ATG12: variants seen among roughly 807,000 people sequenced by gnomAD.
The protein encoded by ATG12 is autophagy related 12.
In ATG12, 19 loss-of-function variants were observed where a neutral mutation model predicts 17.6. The ratio of observed to expected loss-of-function variants is 1.08; its 90% CI spans 0.75 to 1.58. The LOEUF is 1.58. ATG12 is among the 40% of genes most tolerant of loss of function. The pLI is 0.00. For synonymous variants in ATG12, 75 were observed against 62.4 expected (o/e 1.20, Z -0.95); for missense variants, 214 against 162.0 (o/e 1.32, Z -1.74).
At chr5:115,833,072 T>C (rs1179352008) in intron 2 of ATG12, 2 of 155,666 alleles carry the variant, frequency 1.3e-5, no homozygotes, top group African/African-American at 4.8e-5. Flanking sequence ...AGGTAGTTTG[T>C]ACACTTTCCT....
rs143286818 is a variant in ATG12 at position 115,832,470 on chromosome 5, T to C, written c.363+132A>G. ...CTACCCCAGAAAATTAAGAATGGCA[T>C]GCCATCTCTTGAAATAAAAATGTGA... On this transcript the variant is annotated intron_variant, in intron 3 of 3. Coordinates refer to ENST00000509910, the MANE Select transcript of ATG12 (RefSeq NM_004707.4). The C allele has an allele frequency of 1.0e-4, 109 of 1,072,346 alleles. No individual in the cohort carries two copies. The East Asian group carries it at 2.8e-3, about 27-fold the overall frequency. 66.4% of individuals were successfully genotyped at this position (1,072,346 alleles called of 1,614,324 possible). A position where few individuals can be genotyped will look rare whatever the true frequency, so the allele number is the denominator to read the frequency against.
chr5:115,841,297 G>A lies in ATG12; in HGVS notation c.163+93C>T, dbSNP rs57236644. 989 of 1,526,308 alleles carry A rather than the reference G, an allele frequency of 6.5e-4. 3 individuals carry two copies. The highest frequency in any genetic ancestry group is 6.5e-3 in the African/African-American group (464 of 71,690). The allele number at this position is 1,526,308 out of a possible 1,614,324, so 94.5% of individuals were successfully genotyped here. A position where few individuals can be genotyped will look rare whatever the true frequency, so the allele number is the denominator to read the frequency against. On this transcript the variant is annotated intron_variant, in intron 1 of 3. Coordinates refer to ENST00000509910, the MANE Select transcript of ATG12 (RefSeq NM_004707.4). ...GTCAAAATGCAGGTCTAGGACAGGC[G>A]CTCCTCTAAATTTTGCTTCTTTACT...
chr5:115,831,993 T>C, intron 3 of ATG12, 130 bp from the exon 4 acceptor site: 2 of 810,522 alleles, frequency 2.5e-6, no homozygotes, highest in Non-Finnish European at 3.9e-6. Context: ...ACAGGCTATC[T>C]CTTTCAAAGG....
At position 115,830,671 on chromosome 5, in the gene ATG12, A is replaced by G. The variant is rs1042050490; in HGVS notation, c.*1133T>C. On this transcript the variant is annotated 3_prime_UTR_variant, in exon 4 of 4. Coordinates refer to ENST00000509910, the MANE Select transcript of ATG12 (RefSeq NM_004707.4). ...GATCCTCTTGCCTCTGCAGCCTAAT[A>G]ATTTTTTTTTAATTTTTATTTTTTT... 2.2e-4 allele frequency: 34 copies of G among 151,966 alleles called. No individual in the cohort carries two copies. The highest frequency in any genetic ancestry group is 7.7e-4 in the African/African-American group (32 of 41,440). 9.4% of individuals were successfully genotyped at this position (151,966 alleles called of 1,614,324 possible).
rs1278588338 is a variant in ATG12 at position 115,830,253 on chromosome 5, A to G, written c.*1551T>C. The G allele has an allele frequency of 6.7e-6, 1 of 149,878 alleles. No homozygotes were observed. Among genetic ancestry groups the G allele is most frequent in the African/African-American group, 2.5e-5 (1 of 39,870 alleles). The allele number at this position is 149,878 out of a possible 1,614,324, so 9.3% of individuals were successfully genotyped here. ...TAAACTATTAAGTTATTTAGGTCAA[A>G]AAGAATAACTAAATGGATGCTACAA... On this transcript the variant is annotated 3_prime_UTR_variant, in exon 4 of 4. Transcript: ENST00000509910.
chr5:115,829,204 T>TTA lies in ATG12; in HGVS notation c.*2598_*2599dup, dbSNP rs1488345440. 1 of 152,236 alleles carries TTA rather than the reference T, an allele frequency of 6.6e-6. No individual in the cohort carries two copies. The highest frequency in any genetic ancestry group is 1.5e-5 in the Non-Finnish European group (1 of 68,038). The allele number at this position is 152,236 out of a possible 1,614,324, so 9.4% of individuals were successfully genotyped here. On this transcript the variant is annotated 3_prime_UTR_variant, in exon 4 of 4. Transcript: ENST00000509910. Reference sequence around the variant, plus strand: ...TAGTGCCAAAAGTTTACTCAGCATATTATAATCCTTGGAAAATGAAGCAGA... The same window carrying TTA: ...TAGTGCCAAAAGTTTACTCAGCATATTATATAATCCTTGGAAAATGAAGCAGA...
chr5:115,833,485 A>C (rs1760970485), intron 2 of ATG12: 1 of 152,138 alleles, frequency 6.6e-6, no homozygotes, highest in African/African-American at 2.4e-5. Context: ...TAGTGTGGTG[A>C]TTAAGTGTAT....
At position 115,828,767 on chromosome 5, in the gene ATG12, CTAAG is replaced by C. The variant is rs1382008422; in HGVS notation, c.*3033_*3036del. On this transcript the variant is annotated 3_prime_UTR_variant, in exon 4 of 4. Transcript: ENST00000509910. ...AATTATTTACATATAAGGAAATGTA[CTAAG>C]TATTATGTGTGTGTGGGTACCAGAT... 3 of 152,212 alleles carry C rather than the reference CTAAG, an allele frequency of 2.0e-5. No homozygotes were observed. The highest frequency in any genetic ancestry group is 2.1e-4 in the South Asian group (1 of 4,828). 9.4% of individuals were successfully genotyped at this position (152,212 alleles called of 1,614,324 possible). A position where few individuals can be genotyped will look rare whatever the true frequency, so the allele number is the denominator to read the frequency against.
Position 115,830,543 on chromosome 5 carries a change from GC to G in ATG12, c.*1260del, listed in dbSNP as rs1760827373. On this transcript the variant is annotated 3_prime_UTR_variant, in exon 4 of 4. Coordinates refer to ENST00000509910, the MANE Select transcript of ATG12 (RefSeq NM_004707.4). ...CACATTACATTCGATTTACTAGAATGCCTTTTTTTTTCTTTTTTGAGATGGG... is the reference window on the plus strand; with the variant it reads ...CACATTACATTCGATTTACTAGAATGCTTTTTTTTTCTTTTTTGAGATGGG... The G allele has an allele frequency of 6.6e-6, 1 of 151,952 alleles. No homozygotes were observed. The highest frequency in any genetic ancestry group is 2.4e-5 in the African/African-American group (1 of 41,370). The allele number at this position is 151,952 out of a possible 1,614,324, so 9.4% of individuals were successfully genotyped here.
In ATG12 at chr5:115,837,652, A is replaced by G; in HGVS notation, c.276T>C (p.Leu92=). 6.2e-7 allele frequency: 1 copy of G among 1,611,574 alleles called. No homozygotes were observed. The highest frequency in any genetic ancestry group is 8.5e-7 in the Non-Finnish European group (1 of 1,179,690). The change falls in exon 2 of 4, where the codon CTT becomes CTC. Residue 92 remains leucine, a synonymous_variant. Transcript: ENST00000509910. The part of the protein sequence containing the change: ...QGLIDFIKKF[L]KLVASEQLFI... ...CCAACTGTTCTGAGGCCACAAGTTT[A>G]AGAAACTTTTTGATGAAGTCAATGA...
At chr5:115,837,362 T>C (rs556627788) in intron 2 of ATG12, among the ~76,000 whole-genome samples, 1 of 151,924 alleles carries the variant, frequency 6.6e-6, no homozygotes, top group Non-Finnish European at 1.5e-5. Flanking sequence ...ACTCCTGTAA[T>C]AATCCTGGCT....
chr5:115,830,317 C>G lies in ATG12; in HGVS notation c.*1487G>C, dbSNP rs1760815601. ...TTTTCGATTTTTTGAGGTCTATCAT[C>G]TGAACCCTCAGTGGCAAACAATACG... On this transcript the variant is annotated 3_prime_UTR_variant, in exon 4 of 4. Transcript: ENST00000509910. 6.6e-6 allele frequency: 1 copy of G among 152,010 alleles called. No individual in the cohort carries two copies. Among genetic ancestry groups the G allele is most frequent in the Non-Finnish European group, 1.5e-5 (1 of 67,992 alleles). 9.4% of individuals were successfully genotyped at this position (152,010 alleles called of 1,614,324 possible).
At chr5:115,839,306 C>T (rs1390331420) in intron 1 of ATG12, 3 of 124,274 alleles carry the variant, frequency 2.4e-5, no homozygotes, top group African/African-American at 3.6e-5. Flanking sequence ...GGAATGAACG[C>T]ATCTAGAACA....
intron 3 of ATG12, 35 bp from the exon 4 acceptor site, chr5:115,831,898 C>A: frequency 6.4e-7 from 1 of 1,573,976 alleles, no homozygotes; most frequent in South Asian, 1.1e-5. Context: ...CAAACTCAAT[C>A]TTTTATTATT....
In ATG12 at chr5:115,831,446, T is replaced by G; in HGVS notation, c.*358A>C. 1 of 283,186 alleles carries G rather than the reference T, an allele frequency of 3.5e-6. No individual in the cohort carries two copies. The highest frequency in any genetic ancestry group is 6.6e-6 in the Non-Finnish European group (1 of 151,066). 17.5% of individuals were successfully genotyped at this position (283,186 alleles called of 1,614,324 possible). ...TTAAAAAAAAAGGAACCCTTTAGTATATTAACTTTTACCATGAAAACAATT... is the reference window on the plus strand; with the variant it reads ...TTAAAAAAAAAGGAACCCTTTAGTAGATTAACTTTTACCATGAAAACAATT... On this transcript the variant is annotated 3_prime_UTR_variant, in exon 4 of 4. Transcript: ENST00000509910.
At chr5:115,839,167 T>C (rs997384895) in intron 1 of ATG12, 1 of 151,458 alleles carries the variant, frequency 6.6e-6, no homozygotes, top group Admixed American at 6.6e-5. Flanking sequence ...CAAGACACAT[T>C]GAAAGCAAAA....
At position 115,830,153 on chromosome 5, in the gene ATG12, C is replaced by G. The variant is rs544494753; in HGVS notation, c.*1651G>C. 1 of 149,132 alleles carries G rather than the reference C, an allele frequency of 6.7e-6. No homozygotes were observed. The highest frequency in any genetic ancestry group is 2.5e-5 in the African/African-American group (1 of 40,586). 9.2% of individuals were successfully genotyped at this position (149,132 alleles called of 1,614,324 possible). ...AAAAAAAAAAAAAAAAGTGCAAAGT[C>G]CTATGTATTCTTCAGAGTTGTTAGG... On this transcript the variant is annotated 3_prime_UTR_variant, in exon 4 of 4. Transcript: ENST00000509910.
chr5:115,833,636 T>G (rs1181620931), intron 2 of ATG12: 1 of 152,174 alleles, frequency 6.6e-6, no homozygotes, highest in Non-Finnish European at 1.5e-5. Flanking sequence ...ACACTAACTT[T>G]CAGTGCCTGG....
chr5:115,829,134 T>A lies in ATG12; in HGVS notation c.*2670A>T, dbSNP rs1012431240. The stretch of plus-strand genomic sequence containing the variant: ...ATTCAAATAGTAGTATTTGCTGAAC[T>A]GTTTTCTGAATAGTTTTCATTACGT... On this transcript the variant is annotated 3_prime_UTR_variant, in exon 4 of 4. Coordinates refer to ENST00000509910, the MANE Select transcript of ATG12 (RefSeq NM_004707.4). The A allele has an allele frequency of 6.6e-6, 1 of 152,208 alleles. No homozygotes were observed. The highest frequency in any genetic ancestry group is 6.5e-5 in the Admixed American group (1 of 15,278). 9.4% of individuals were successfully genotyped at this position (152,208 alleles called of 1,614,324 possible). A position where few individuals can be genotyped will look rare whatever the true frequency, so the allele number is the denominator to read the frequency against.
Sources: gnomAD v4.1 joint callset for allele counts (sites outside exome capture counted in the v4.1 genomes callset) on GRCh38, gnomAD v4.1.1 for gene constraint, MANE v1.5 for transcripts, NCBI Gene and HGNC (gene_info 2026-07-23, HGNC 2026-07-21) for gene names.